The following PLEKHG1 variants were observed in gnomAD, a reference collection of about 807,000 sequenced individuals.
The protein encoded by PLEKHG1 is pleckstrin homology and RhoGEF domain containing G1, also known as pleckstrin homology domain-containing family G member 1.
Under a neutral mutation model 100.8 loss-of-function variants are expected in PLEKHG1, and 44 were observed. The observed-to-expected ratio is 0.44, with a 90% CI of 0.34 to 0.56. The LOEUF is 0.56. Ranked by LOEUF, PLEKHG1 falls within the 20% of genes least tolerant of loss-of-function variation. PLEKHG1 has a pLI of 0.01. For synonymous variants in PLEKHG1, 640 were observed against 662.5 expected, an observed-to-expected ratio of 0.97 and a Z score of 0.52; for missense variants, 1,545 against 1,720.9, an observed-to-expected ratio of 0.90 and a Z score of 1.81.
At chr6:150,749,827 A>G (rs1482096829) in intron 2 of PLEKHG1, among the ~76,000 whole-genome samples, 1 of 152,238 alleles carries the variant, frequency 6.6e-6, no homozygotes, top group Admixed American at 6.5e-5. Context: ...TAATCCCAGC[A>G]CTTTGGGAGG....
At chr6:150,622,217 G>A (rs1777329097) in intron 1 of PLEKHG1, among the ~76,000 whole-genome samples, 1 of 152,144 alleles carries the variant, frequency 6.6e-6, no homozygotes, top group Admixed American at 6.5e-5. Context: ...AAGCCAACAT[G>A]TTATATGGGC....
At chr6:150,704,319 C>G (rs1286588267) in intron 3 of PLEKHG1, among the ~76,000 whole-genome samples, 1 of 152,204 alleles carries the variant, frequency 6.6e-6, no homozygotes, top group African/African-American at 2.4e-5. Flanking sequence ...CCTCTTGTCC[C>G]TTCTGAACAA....
chr6:150,709,831 G>A (rs1378107753), intron 3 of PLEKHG1, among the ~76,000 whole-genome samples: 1 of 152,122 alleles, frequency 6.6e-6, no homozygotes, highest in Admixed American at 6.6e-5. Flanking sequence ...CTTTTGCCCA[G>A]GCTGGACTCC....
chr6:150,673,028 C>T (rs1377227912), intron 3 of PLEKHG1, among the ~76,000 whole-genome samples: 2 of 152,194 alleles, frequency 1.3e-5, no homozygotes, highest in Non-Finnish European at 2.9e-5. Flanking sequence ...CAAACACCTA[C>T]TTCAAACATT....
At chr6:150,811,725 G>A (rs1193360700) in intron 10 of PLEKHG1, among the ~76,000 whole-genome samples, 1 of 152,136 alleles carries the variant, frequency 6.6e-6, no homozygotes, top group African/African-American at 2.4e-5. Flanking sequence ...AGGGACTGAG[G>A]CAGGGGCTGG....
intron 14 of PLEKHG1, among the ~76,000 whole-genome samples, chr6:150,828,580 TTCC>T (rs1158884062): frequency 6.6e-6 from 1 of 152,022 alleles, no homozygotes; most frequent in Non-Finnish European, 1.5e-5. Flanking sequence ...ATTATAGTAT[TTCC>T]TCTAAAAAAA....
intron 1 of PLEKHG1, among the ~76,000 whole-genome samples, chr6:150,609,258 A>C (rs1228939525): frequency 1.3e-5 from 2 of 152,244 alleles, no homozygotes; most frequent in Admixed American, 6.5e-5. Flanking sequence ...AATGAAGAGG[A>C]AACCCTACAT....
chr6:150,774,931 C>A (rs946194319), intron 3 of PLEKHG1, among the ~76,000 whole-genome samples: 2 of 151,860 alleles, frequency 1.3e-5, no homozygotes, highest in Non-Finnish European at 2.9e-5. Flanking sequence ...TATATAATTT[C>A]TTTCCTTGTC....
In PLEKHG1 at chr6:150,786,379, T is replaced by A. The variant is rs1785623765; in HGVS notation, c.513-11T>A. ...CAATCTAATACTTCCTGGCTGTTAT[T>A]TTTTTATTAGTGAACTTCTGCAAGA... On this transcript the variant is annotated splice_polypyrimidine_tract_variant and intron_variant, in intron 3 of 15. Transcript: ENST00000358517. 1 of 1,591,954 alleles carries A rather than the reference T, an allele frequency of 6.3e-7. No homozygotes were observed. The highest frequency in any genetic ancestry group is 2.2e-5 in the East Asian group (1 of 44,770).
chr6:150,720,280 T>C (rs1466825095), upstream of PLEKHG1, among the ~76,000 whole-genome samples: 2 of 152,196 alleles, frequency 1.3e-5, no homozygotes, highest in South Asian at 2.1e-4. Flanking sequence ...AAAATAGATA[T>C]AGCATTTTAA....
chr6:150,761,003 T>C (rs1784123593), intron 2 of PLEKHG1, among the ~76,000 whole-genome samples: 1 of 152,130 alleles, frequency 6.6e-6, no homozygotes, highest in African/African-American at 2.4e-5. Context: ...TTATTATAAC[T>C]TTTTTAGGTT....
intron 3 of PLEKHG1, among the ~76,000 whole-genome samples, chr6:150,708,975 G>A (rs998775910): frequency 2.0e-5 from 3 of 152,278 alleles, no homozygotes; most frequent in Non-Finnish European, 2.9e-5. Context: ...TGATGTCGTC[G>A]AAAAATTTTG....
chr6:150,731,962 CTTTT>C (rs34542836), intron 1 of PLEKHG1, among the ~76,000 whole-genome samples: 11 of 134,408 alleles, frequency 8.2e-5, no homozygotes, highest in East Asian at 4.3e-4. Context: ...TATTAAGTGA[CTTTT>C]TTTTTTTTTT....
At chr6:150,830,233 T>C (rs1776841412) in intron 14 of PLEKHG1, among the ~76,000 whole-genome samples, 1 of 152,182 alleles carries the variant, frequency 6.6e-6, no homozygotes, top group Non-Finnish European at 1.5e-5. Flanking sequence ...GAATATTAAG[T>C]TTGGAGAATG....
intron 10 of PLEKHG1, among the ~76,000 whole-genome samples, chr6:150,817,599 C>G (rs928533141): frequency 6.7e-5 from 10 of 148,876 alleles, no homozygotes; most frequent in Non-Finnish European, 1.3e-4. Context: ...GCTCTGTCGC[C>G]CAGGCTAGAG....
At chr6:150,804,622 C>T in exon 7 of PLEKHG1, 1 of 1,574,948 alleles carries the variant, frequency 6.3e-7, no homozygotes, top group African/African-American at 1.4e-5. Context: ...AATAGAAAAC[C>T]ACCTTGATAA....
intron 1 of PLEKHG1, among the ~76,000 whole-genome samples, chr6:150,608,043 T>C (rs1487334743): frequency 6.6e-6 from 1 of 152,192 alleles, no homozygotes; most frequent in Non-Finnish European, 1.5e-5. Flanking sequence ...CAATACTTAG[T>C]GATATCTGAC....
At chr6:150,765,912 G>A (rs1309806517) in intron 2 of PLEKHG1, among the ~76,000 whole-genome samples, 1 of 152,152 alleles carries the variant, frequency 6.6e-6, no homozygotes, top group Non-Finnish European at 1.5e-5. Flanking sequence ...GCAGCAAACA[G>A]TTTGCAAATT....
At chr6:150,840,968 T>C in exon 16 of PLEKHG1, 1 of 1,144,102 alleles carries the variant, frequency 8.7e-7, no homozygotes, top group Non-Finnish European at 1.3e-6. Flanking sequence ...TGATGAGGTG[T>C]TTTATGTATA....
Sources: gnomAD v4.1 joint callset for allele counts (sites outside exome capture counted in the v4.1 genomes callset) on GRCh38, gnomAD v4.1.1 for gene constraint, MANE v1.5 for transcripts, NCBI Gene and HGNC (gene_info 2026-07-23, HGNC 2026-07-21) for gene names.